The following DNM3 variants were observed in gnomAD, a reference collection of about 807,000 sequenced individuals.
DNM3 encodes dynamin-3.
A neutral mutation model predicts 101.6 loss-of-function variants in DNM3; 47 were observed. The observed-to-expected ratio is 0.46, with a 90% CI of 0.37 to 0.59. The LOEUF (loss-of-function observed/expected upper bound fraction) is 0.59. Ranked by LOEUF, DNM3 falls within the 20% of genes least tolerant of loss-of-function variation. The pLI is 0.00. For synonymous variants in DNM3, 385 were observed against 387.9 expected, an observed-to-expected ratio of 0.99 and a Z score of 0.09; for missense variants, 849 against 1,085.7, an observed-to-expected ratio of 0.78 and a Z score of 3.06.
At chr1:172,245,286 T>C (rs2061907404) in intron 14 of DNM3, among the ~76,000 whole-genome samples, 4 of 152,182 alleles carry the variant, frequency 2.6e-5, no homozygotes, top group Non-Finnish European at 5.9e-5. Flanking sequence ...CTTGTTTCTT[T>C]AGGGGTTTAT....
At chr1:172,371,161 A>G (rs779339545) in intron 17 of DNM3, among the ~76,000 whole-genome samples, 3 of 151,946 alleles carry the variant, frequency 2.0e-5, no homozygotes, top group Non-Finnish European at 2.9e-5. Context: ...AATACCTGCT[A>G]TTTTGGAATA....
chr1:172,047,216 T>A (rs1572243855), intron 9 of DNM3, among the ~76,000 whole-genome samples: 1 of 152,312 alleles, frequency 6.6e-6, no homozygotes, highest in South Asian at 2.1e-4. Flanking sequence ...CTTCATTGTT[T>A]TGTTAACACT....
intron 10 of DNM3, among the ~76,000 whole-genome samples, chr1:172,050,259 T>C (rs1037113579): frequency 2.0e-5 from 3 of 152,176 alleles, no homozygotes; most frequent in African/African-American, 7.2e-5. Context: ...CTCTACTGAC[T>C]TTCAAGATTA....
Position 171,853,170 on chromosome 1 carries a change from C to CT in DNM3, c.161+11364dup, listed in dbSNP as rs553454172. Among the ~76,000 whole-genome samples, 148 of 146,050 alleles carry CT rather than the reference C, an allele frequency of 1.0e-3. 2 individuals are homozygous for CT. The highest frequency in any genetic ancestry group is 5.9e-3 in the South Asian group (27 of 4,590). On this transcript the variant is annotated intron_variant, in intron 1 of 20. Transcript: ENST00000627582. ...GTTTTAGAGGTAAACTGTATTTATT[C>CT]TTTTTTTTTTTGAGACAGGCTCTAG...
At chr1:172,343,566 G>T (rs2066788756) in intron 17 of DNM3, among the ~76,000 whole-genome samples, 1 of 152,124 alleles carries the variant, frequency 6.6e-6, no homozygotes, top group African/African-American at 2.4e-5. Context: ...AGCCCATGTT[G>T]CTTTTTATGA....
At chr1:171,865,355 A>G (rs866445385) in intron 1 of DNM3, among the ~76,000 whole-genome samples, 13 of 151,938 alleles carry the variant, frequency 8.6e-5, no homozygotes, top group African/African-American at 3.1e-4. Context: ...ATCTCTACAA[A>G]AAAATACAAG....
At chr1:171,922,123 T>TTG (rs3051604) in intron 2 of DNM3, among the ~76,000 whole-genome samples, 9,065 of 135,686 alleles carry the variant, frequency 0.067, 286 homozygotes, top group South Asian at 0.12. Context: ...TTGGTATGCT[T>TTG]TGTGTGTGTG....
intron 2 of DNM3, among the ~76,000 whole-genome samples, chr1:171,929,605 C>T (rs550473655): frequency 3.3e-5 from 5 of 151,470 alleles, no homozygotes; most frequent in Admixed American, 6.6e-5. Flanking sequence ...GCTGGGGGAC[C>T]GCTTCCACCC....
At chr1:172,050,938 C>T (rs934064761) in intron 10 of DNM3, among the ~76,000 whole-genome samples, 1 of 152,042 alleles carries the variant, frequency 6.6e-6, no homozygotes, top group Non-Finnish European at 1.5e-5. Flanking sequence ...ACAGTCAGTT[C>T]TGATGGCATG....
chr1:172,370,679 T>C (rs1212730145), intron 17 of DNM3, among the ~76,000 whole-genome samples: 1 of 151,954 alleles, frequency 6.6e-6, no homozygotes, highest in Admixed American at 6.6e-5. Context: ...TTACTCTATT[T>C]GAGAGAAAAC....
intron 2 of DNM3, among the ~76,000 whole-genome samples, chr1:171,963,480 A>G (rs1208223082): frequency 6.6e-6 from 1 of 152,188 alleles, no homozygotes; most frequent in African/African-American, 2.4e-5. Context: ...CATAGAATAT[A>G]CAACACCAAG....
At chr1:172,330,908 T>C (rs552097915) in intron 17 of DNM3, among the ~76,000 whole-genome samples, 3 of 152,286 alleles carry the variant, frequency 2.0e-5, no homozygotes, top group Non-Finnish European at 4.4e-5. Flanking sequence ...CCCTACAAGC[T>C]TGACATAATT....
At chr1:172,064,324 A>T (rs1166213634) in intron 10 of DNM3, among the ~76,000 whole-genome samples, 1 of 152,216 alleles carries the variant, frequency 6.6e-6, no homozygotes, top group African/African-American at 2.4e-5. Flanking sequence ...TTAATTTGAC[A>T]TTCAAATTAA....
At chr1:172,164,292 A>G (rs1488346761) in intron 14 of DNM3, among the ~76,000 whole-genome samples, 12 of 141,894 alleles carry the variant, frequency 8.5e-5, no homozygotes, top group Admixed American at 6.6e-4. Flanking sequence ...ATCTAAGGTG[A>G]CAGGCAGTGT....
At position 172,252,300 on chromosome 1, in the gene DNM3, A is replaced by C. The variant is rs1426108562; in HGVS notation, c.1660-1273A>C. Among the ~76,000 whole-genome samples the C allele has an allele frequency of 3.9e-5, 6 of 152,078 alleles. No individual in the cohort carries two copies. In the East Asian group the frequency reaches 1.2e-3, roughly 29 times the overall value. On this transcript the variant is annotated intron_variant, in intron 14 of 20. Transcript: ENST00000627582. ...ATGTGCTCTGCCCAACTTTTTTCTG[A>C]TTAATTTAGGAGTAGGAAGTGGAAA...
At chr1:172,198,610 G>A (rs113755928) in intron 14 of DNM3, among the ~76,000 whole-genome samples, 1,717 of 151,894 alleles carry the variant, frequency 0.011, 42 homozygotes, top group African/African-American at 0.039. Flanking sequence ...TGGTCTGTTC[G>A]GAGAATCGAT....
At chr1:171,885,005 A>G (rs1369873850) in intron 1 of DNM3, among the ~76,000 whole-genome samples, 1 of 152,172 alleles carries the variant, frequency 6.6e-6, no homozygotes, top group African/African-American at 2.4e-5. Flanking sequence ...TCTAGATCCT[A>G]TCATGTTGCT....
intron 1 of DNM3, among the ~76,000 whole-genome samples, chr1:171,917,287 A>G (rs1254777455): frequency 9.9e-5 from 15 of 151,766 alleles, no homozygotes; most frequent in Non-Finnish European, 1.2e-4. Context: ...TGCCGGGGGG[A>G]ATTTTTTTTA....
Position 172,412,033 on chromosome 1 carries a change from ACTG to A in DNM3, c.*4195_*4197del, listed in dbSNP as rs1558110833. The A allele has an allele frequency of 1.0e-6, 1 of 979,282 alleles. No individual in the cohort carries two copies. Among genetic ancestry groups the A allele is most frequent in the African/African-American group, 1.8e-5 (1 of 56,108 alleles). The allele number at this position is 979,282 out of a possible 1,614,324, so 60.7% of individuals were successfully genotyped here. A position where few individuals can be genotyped will look rare whatever the true frequency, so the allele number is the denominator to read the frequency against. ...TTTTTGAAGCATATGTAATATATGC[ACTG>A]CTATTTGTGTGTGTGTGTGTGTCTT... On this transcript the variant is annotated 3_prime_UTR_variant, in exon 21 of 21. Coordinates refer to ENST00000627582, the MANE Select transcript of DNM3 (RefSeq NM_015569.5).
Sources: gnomAD v4.1 joint callset for allele counts (sites outside exome capture counted in the v4.1 genomes callset) on GRCh38, gnomAD v4.1.1 for gene constraint, MANE v1.5 for transcripts, NCBI Gene and HGNC (gene_info 2026-07-23, HGNC 2026-07-21) for gene names.